Variants in DAO observed in about 807,000 individuals in gnomAD.
DAO encodes the protein D-amino-acid oxidase.
DAO carries 51 observed loss-of-function variants against 50.1 expected under a neutral mutation model. The observed-to-expected ratio is 1.02, with a 90% confidence interval of 0.81 to 1.29. DAO has a LOEUF of 1.29. Ranked by LOEUF, DAO falls within the 50% of genes most tolerant of loss-of-function variation. The probability of loss-of-function intolerance (pLI) is 0.00; values close to 1 mark genes in which losing one functional copy is unlikely to be tolerated. For missense variants in DAO, 436 were observed against 439.4 expected (o/e 0.99, Z 0.07); for synonymous variants, 160 against 166.2 (o/e 0.96, Z 0.29).
intron 7 of DAO, among the ~76,000 whole-genome samples, chr12:108,896,419 CAAAAAA>C (rs386377704): frequency 1.7e-5 from 1 of 59,562 alleles, no homozygotes; most frequent in Non-Finnish European, 3.3e-5. Flanking sequence ...GAGGCTGTCT[CAAAAAA>C]AAAAAAAAAA....
At position 108,887,662 on chromosome 12, in the gene DAO, C is replaced by A. The variant is rs1435450378; in HGVS notation, c.309+98C>A. 8.1e-6 allele frequency: 7 copies of A among 859,020 alleles called. No homozygotes were observed. The Admixed American group carries it at 1.2e-4, about 15-fold the overall frequency. 53.2% of individuals were successfully genotyped at this position (859,020 alleles called of 1,614,324 possible). ...CTTAATCACAGATGAGGGCGGGGTG[C>A]TTTGAGTCTCGTAGGCAACAGACTC... On this transcript the variant is annotated intron_variant, in intron 3 of 10. Transcript: ENST00000228476.
chr12:108,882,420 G>A (rs2039391366), intron 1 of DAO, among the ~76,000 whole-genome samples: 1 of 152,166 alleles, frequency 6.6e-6, no homozygotes, highest in Non-Finnish European at 1.5e-5. Context: ...GGCTGAGGCA[G>A]GAGAATCACC....
intron 8 of DAO, among the ~76,000 whole-genome samples, chr12:108,897,976 A>G (rs2039579365): frequency 6.6e-6 from 1 of 151,668 alleles, no homozygotes; most frequent in Non-Finnish European, 1.5e-5. Flanking sequence ...GTGAATGGCA[A>G]TAATGGGAGT....
chr12:108,898,854 G>A (rs1313302403), intron 9 of DAO, 58 bp downstream of exon 9: 20 of 1,082,416 alleles, frequency 1.8e-5, no homozygotes, highest in Non-Finnish European at 2.7e-5. Flanking sequence ...TTGGTAATGA[G>A]GACACTTCAG....
At chr12:108,890,361 A>G in intron 5 of DAO, 88 bp downstream of exon 5, 2 of 1,009,076 alleles carry the variant, frequency 2.0e-6, no homozygotes, top group Non-Finnish European at 3.1e-6. Flanking sequence ...CTCAGCATGG[A>G]CTAACCCCCA....
rs1566033319 is a variant in DAO, at chr12:108,881,601, A to ATTTTTC, written c.-10+1382_-10+1383insCTTTTT. Among the ~76,000 whole-genome samples, 36 of 99,200 alleles carry ATTTTTC rather than the reference A, an allele frequency of 3.6e-4. 1 individual carries two copies. Among genetic ancestry groups the ATTTTTC allele is most frequent in the African/African-American group, 8.7e-4 (21 of 24,182 alleles). 65.1% of individuals were successfully genotyped at this position (99,200 alleles called of 152,430 possible). A position where few individuals can be genotyped will look rare whatever the true frequency, so the allele number is the denominator to read the frequency against. Reference sequence around the variant, plus strand: ...AGGACTCACACTTTTTTCCTTTTAAATTTTTTTTTTTTTTTTTTTTTTGAC... The same window carrying ATTTTTC: ...AGGACTCACACTTTTTTCCTTTTAAATTTTTCTTTTTTTTTTTTTTTTTTTTTTGAC... On this transcript the variant is annotated intron_variant, in intron 1 of 10. Transcript: ENST00000228476.
Position 108,885,213 on chromosome 12 carries a change from C to T in DAO, c.194+13C>T, listed in dbSNP as rs2039423262. On this transcript the variant is annotated intron_variant, in intron 2 of 10. Transcript: ENST00000228476. The stretch of plus-strand genomic sequence containing the variant: ...ACCCACAGGAGGCGTGAGTGAGGGT[C>T]ACATAGGGTAGCCTGGGGTGCCCAT... 1 of 1,609,996 alleles carries T rather than the reference C, an allele frequency of 6.2e-7. No individual in the cohort carries two copies. Among genetic ancestry groups the T allele is most frequent in the African/African-American group, 1.3e-5 (1 of 74,918 alleles).
Position 108,887,467 on chromosome 12 carries a change from C to G in DAO, c.212C>G (p.Thr71Ser). ...CCTTCCAGGGACTGGAGCCAACAGACCTTTGACTATCTCCTGAGCCATGTC... is the reference window on the plus strand; with the variant it reads ...CCTTCCAGGGACTGGAGCCAACAGAGCTTTGACTATCTCCTGAGCCATGTC... Reference protein sequence around the residue: ...NPQEADWSQQTFDYLLSHVHS... With the variant: ...NPQEADWSQQSFDYLLSHVHS... Residue 71 changes from threonine (T) to serine (S), a missense_variant, in exon 3 of 11, where the codon ACC (threonine) becomes AGC (serine). By Grantham distance (58) the Thr-to-Ser change is moderately conservative. Transcript: ENST00000228476. The G allele has an allele frequency of 1.2e-6, 2 of 1,614,026 alleles. No homozygotes were observed. Among genetic ancestry groups the G allele is most frequent in the Non-Finnish European group, 1.7e-6 (2 of 1,179,916 alleles).
At chr12:108,890,450 C>T (rs2039479705) in intron 5 of DAO, among the ~76,000 whole-genome samples, 177 bp downstream of exon 5, 1 of 152,170 alleles carries the variant, frequency 6.6e-6, no homozygotes, top group African/African-American at 2.4e-5. Flanking sequence ...GCAATGGATC[C>T]TGAGCCTAGC....
intron 3 of DAO, among the ~76,000 whole-genome samples, chr12:108,887,918 G>T (rs1467575570): frequency 6.6e-6 from 1 of 152,068 alleles, no homozygotes; most frequent in Admixed American, 6.6e-5. Flanking sequence ...TTATCAAGAA[G>T]GAATAAAATA....
chr12:108,887,854 C>T (rs2039451514), intron 3 of DAO, among the ~76,000 whole-genome samples: 1 of 152,194 alleles, frequency 6.6e-6, no homozygotes, highest in Admixed American at 6.5e-5. Context: ...CAGTGACGGG[C>T]ACTTGGTGCT....
At chr12:108,892,360 G>T (rs1409053274) in intron 5 of DAO, among the ~76,000 whole-genome samples, 1 of 151,494 alleles carries the variant, frequency 6.6e-6, no homozygotes, top group Non-Finnish European at 1.5e-5. Context: ...TAGAGACGGG[G>T]TTTCACCGTC....
chr12:108,894,099 T>G (rs1441022103), intron 6 of DAO, among the ~76,000 whole-genome samples, 164 bp from the exon 7 acceptor site: 1 of 152,120 alleles, frequency 6.6e-6, no homozygotes, highest in South Asian at 2.1e-4. Context: ...TAAATGGCAG[T>G]ATGAAAATTT....
intron 6 of DAO, 138 bp downstream of exon 6, chr12:108,893,174 C>G: frequency 1.4e-6 from 1 of 739,960 alleles, no homozygotes; most frequent in Non-Finnish European, 2.4e-6. Context: ...CCCAGAAGCA[C>G]TCAGGTATTC....
chr12:108,899,493 G>T lies in DAO; in HGVS notation c.912+18G>T. Reference sequence around the variant, plus strand: ...ACACAGAGGTATGCTCCCATGGCAAGGAAAGTAATGCCCTCTTCCACTCCT... The same window carrying T: ...ACACAGAGGTATGCTCCCATGGCAATGAAAGTAATGCCCTCTTCCACTCCT... On this transcript the variant is annotated intron_variant, in intron 10 of 10. Transcript: ENST00000228476. 1 of 1,596,666 alleles carries T rather than the reference G, an allele frequency of 6.3e-7. No individual in the cohort carries two copies. Among genetic ancestry groups the T allele is most frequent in the South Asian group, 1.1e-5 (1 of 90,092 alleles).
intron 10 of DAO, chr12:108,900,066 C>G: frequency 2.8e-6 from 1 of 361,990 alleles, no homozygotes; most frequent in South Asian, 2.3e-5. Context: ...GGGATAGGGA[C>G]AGTTCTCCCT....
At chr12:108,893,396 C>T (rs544518150) in intron 6 of DAO, among the ~76,000 whole-genome samples, 1 of 152,170 alleles carries the variant, frequency 6.6e-6, no homozygotes, top group East Asian at 1.9e-4. Flanking sequence ...CTGCAAAGTC[C>T]AGGCCCTCAG....
At chr12:108,892,001 T>C (rs1376137416) in intron 5 of DAO, among the ~76,000 whole-genome samples, 1 of 152,138 alleles carries the variant, frequency 6.6e-6, no homozygotes, top group African/African-American at 2.4e-5. Context: ...TGGGGACACA[T>C]GACCCTTGTC....
rs774900182 is a variant in DAO at position 108,885,023 on chromosome 12, T to C, written c.17T>C (p.Ile6Thr). The C allele has an allele frequency of 2.9e-5, 47 of 1,613,976 alleles. No homozygotes were observed. The highest frequency in any genetic ancestry group is 3.5e-5 in the Non-Finnish European group (41 of 1,180,006). ...GCTGCTGCAATGCGTGTGGTGGTGA[T>C]TGGAGCAGGAGTCATCGGGCTGTCC... MRVVV[I>T]GAGVIGLSTA... is the part of the protein sequence containing the mutation. Residue 6 changes from isoleucine to threonine, a missense_variant, in exon 2 of 11, where the codon ATT (isoleucine) becomes ACT (threonine). Coordinates refer to ENST00000228476, the MANE Select transcript of DAO (RefSeq NM_001917.5).
Sources: gnomAD v4.1 joint callset for allele counts (sites outside exome capture counted in the v4.1 genomes callset) on GRCh38, gnomAD v4.1.1 for gene constraint, MANE v1.5 for transcripts, NCBI Gene and HGNC (gene_info 2026-07-23, HGNC 2026-07-21) for gene names.